The following KCNQ1 variants were observed in gnomAD, a reference collection of about 807,000 sequenced individuals.
The protein encoded by KCNQ1 is potassium voltage-gated channel subfamily KQT member 1.
Under a neutral mutation model 72.4 loss-of-function variants are expected in KCNQ1, and 49 were observed. That is an observed-to-expected ratio of 0.68 (90% CI 0.54 to 0.86). The LOEUF (loss-of-function observed/expected upper bound fraction) is 0.86. Among genes scored for constraint, KCNQ1 ranks in the 40% least tolerant of loss-of-function variants. The probability of loss-of-function intolerance (pLI) is 0.00; values close to 1 mark genes in which losing one functional copy is unlikely to be tolerated. For synonymous variants in KCNQ1, 450 were observed against 412.6 expected, an observed-to-expected ratio of 1.09 and a Z score of -1.10; for missense variants, 790 against 945.1, an observed-to-expected ratio of 0.84 and a Z score of 2.15.
chr11:2,847,757 G>A lies in KCNQ1; in HGVS notation c.1795-10G>A, dbSNP rs780067234. 5.5e-5 allele frequency: 86 copies of A among 1,571,912 alleles called. No homozygotes were observed. The highest frequency in any genetic ancestry group is 7.3e-5 in the Non-Finnish European group (85 of 1,158,174). Reference sequence around the variant, plus strand: ...ACCACTGACTCTCTCGTCTGCCTTTGTCCCCGCAGGTGACGCAGCTGGACC... The same window carrying A: ...ACCACTGACTCTCTCGTCTGCCTTTATCCCCGCAGGTGACGCAGCTGGACC... On this transcript the variant is annotated splice_polypyrimidine_tract_variant and intron_variant, in intron 15 of 15. Coordinates refer to ENST00000155840, the MANE Select transcript of KCNQ1 (RefSeq NM_000218.3).
In KCNQ1 at chr11:2,494,488, A is replaced by T. The variant is rs1589911459; in HGVS notation, c.387-33440A>T. ...GTATGATATTGCCTGTGGGTTTGTC[A>T]TAAATAGCTCTTGTTATTTTGAGAT... On this transcript the variant is annotated intron_variant, in intron 1 of 15. Coordinates refer to ENST00000155840, the MANE Select transcript of KCNQ1 (RefSeq NM_000218.3). This position sits in a 1 kb window ranked among gnomAD's most constrained non-coding sequence, Gnocchi z 4.6. 6.6e-6 allele frequency among the ~76,000 whole-genome samples: 1 copy of T among 152,320 alleles called. No homozygotes were observed. The highest frequency in any genetic ancestry group is 1.9e-4 in the East Asian group (1 of 5,188).
chr11:2,639,089 A>T (rs1430253598), intron 10 of KCNQ1: 2 of 151,932 alleles, frequency 1.3e-5, no homozygotes, highest in Non-Finnish European at 2.9e-5. Flanking sequence ...ACTTCTCTAC[A>T]CTGGTTATTC....
rs74048616 is a variant in KCNQ1 at position 2,451,202 on chromosome 11, C to T, written c.386+5718C>T. ...TTTATGGAAGAAAGATTTTTCCACCCGGGCAGTGGTGATCTTGGGATGAAA... is the reference window on the plus strand; with the variant it reads ...TTTATGGAAGAAAGATTTTTCCACCTGGGCAGTGGTGATCTTGGGATGAAA... On this transcript the variant is annotated intron_variant, in intron 1 of 15. Coordinates refer to ENST00000155840, the MANE Select transcript of KCNQ1 (RefSeq NM_000218.3). The surrounding 1 kb of genome is among the most constrained non-coding windows in gnomAD (Gnocchi z 6.4). 7.3e-3 allele frequency among the ~76,000 whole-genome samples: 1,114 copies of T among 152,186 alleles called. 15 individuals carry two copies. Among genetic ancestry groups the T allele is most frequent in the African/African-American group, 0.025 (1,053 of 41,504 alleles).
At chr11:2,455,293 T>G (rs555681461) in intron 1 of KCNQ1, among the ~76,000 whole-genome samples, 1 of 151,790 alleles carries the variant, frequency 6.6e-6, no homozygotes, top group African/African-American at 2.4e-5. Context: ...AGAGACGGGG[T>G]TTCACCGTGT....
intron 10 of KCNQ1, chr11:2,625,747 T>G: frequency 2.5e-6 from 1 of 397,824 alleles, no homozygotes; most frequent in Non-Finnish European, 4.4e-6. Context: ...TTTTTTGTAT[T>G]TTTAGTAGAG....
rs933346528 is a variant in KCNQ1, at chr11:2,769,367, C to G, written c.1590+448C>G. Among the ~76,000 whole-genome samples the G allele has an allele frequency of 1.3e-5, 2 of 152,196 alleles. No individual in the cohort carries two copies. Among genetic ancestry groups the G allele is most frequent in the African/African-American group, 4.8e-5 (2 of 41,466 alleles). On this transcript the variant is annotated intron_variant, in intron 12 of 15. Transcript: ENST00000155840. This position sits in a 1 kb window ranked among gnomAD's most constrained non-coding sequence, Gnocchi z 4.6. ...CCTCCACTGGCTCAGTGCTCTCATT[C>G]CCTGCTCCTCCACCCTCTGTGAGTT...
chr11:2,700,260 GC>G (rs1850781197), intron 11 of KCNQ1, among the ~76,000 whole-genome samples: 2 of 152,068 alleles, frequency 1.3e-5, no homozygotes, highest in African/African-American at 4.8e-5. Flanking sequence ...CGCCCTCCCT[GC>G]CCCCACCCGT....
intron 15 of KCNQ1, among the ~76,000 whole-genome samples, chr11:2,792,129 AC>A (rs1847039194): frequency 6.6e-6 from 1 of 151,370 alleles, no homozygotes; most frequent in Non-Finnish European, 1.5e-5. Context: ...TCCCTCCGCC[AC>A]CCCTGCAGGC....
At chr11:2,689,801 G>A (rs965537141) in intron 11 of KCNQ1, 21 of 398,608 alleles carry the variant, frequency 5.3e-5, no homozygotes, top group Admixed American at 8.8e-5. Context: ...GAAGCACTGC[G>A]TTCTCAGTGT....
At position 2,447,838 on chromosome 11, in the gene KCNQ1, C is replaced by T. The variant is rs1046989272; in HGVS notation, c.386+2354C>T. Among the ~76,000 whole-genome samples the T allele has an allele frequency of 1.3e-5, 2 of 152,202 alleles. No homozygotes were observed. The highest frequency in any genetic ancestry group is 2.9e-5 in the Non-Finnish European group (2 of 68,014). On this transcript the variant is annotated intron_variant, in intron 1 of 15. Coordinates refer to ENST00000155840, the MANE Select transcript of KCNQ1 (RefSeq NM_000218.3). This position sits in a 1 kb window ranked among gnomAD's most constrained non-coding sequence, Gnocchi z 7.6. ...GAGGCAGGAGCCGGTGTTCCGCTGA[C>T]CCTACAGGGCTAGGGCGAACTCTCC...
chr11:2,719,810 G>A (rs1261736173), intron 11 of KCNQ1, among the ~76,000 whole-genome samples: 2 of 152,216 alleles, frequency 1.3e-5, no homozygotes, highest in Non-Finnish European at 2.9e-5. Context: ...CACCGTGCTG[G>A]TTTCAGAGAA....
intron 11 of KCNQ1, among the ~76,000 whole-genome samples, chr11:2,717,817 C>T (rs533083232): frequency 8.5e-5 from 13 of 152,308 alleles, no homozygotes; most frequent in South Asian, 8.3e-4. Context: ...AGGGAGCACA[C>T]GCCTGTCCAA....
Position 2,462,948 on chromosome 11 carries a change from G to A in KCNQ1, c.386+17464G>A, listed in dbSNP as rs1391806032. On this transcript the variant is annotated intron_variant, in intron 1 of 15. Transcript: ENST00000155840. The surrounding 1 kb of genome is among the most constrained non-coding windows in gnomAD (Gnocchi z 8.2). ...TGAGCAGACAGGGAGGGTCTTGGGGGAAGGCTGTGGGCCCTTGGGTGGAAG... is the reference window on the plus strand; with the variant it reads ...TGAGCAGACAGGGAGGGTCTTGGGGAAAGGCTGTGGGCCCTTGGGTGGAAG... Among the ~76,000 whole-genome samples, 2 of 152,212 alleles carry A rather than the reference G, an allele frequency of 1.3e-5. No individual in the cohort carries two copies. The highest frequency in any genetic ancestry group is 4.8e-5 in the African/African-American group (2 of 41,440).
At chr11:2,761,174 C>T (rs1338769043) in intron 11 of KCNQ1, among the ~76,000 whole-genome samples, 1 of 151,946 alleles carries the variant, frequency 6.6e-6, no homozygotes, top group Non-Finnish European at 1.5e-5. Flanking sequence ...GGGTGGTTTT[C>T]CCCTGGCATC....
At position 2,645,858 on chromosome 11, in the gene KCNQ1, T is replaced by A. The variant is rs1849657942; in HGVS notation, c.1394-16103T>A. On this transcript the variant is annotated intron_variant, in intron 10 of 15. Coordinates refer to ENST00000155840, the MANE Select transcript of KCNQ1 (RefSeq NM_000218.3). The surrounding 1 kb of genome is among the most constrained non-coding windows in gnomAD (Gnocchi z 5.8). ...CTGAGGATTCAGGGGATGTGTGAATTGCCTGAGGATTCAGGGTGATCTCCC... is the reference window on the plus strand; with the variant it reads ...CTGAGGATTCAGGGGATGTGTGAATAGCCTGAGGATTCAGGGTGATCTCCC... 2.5e-6 allele frequency: 1 copy of A among 398,306 alleles called. No individual in the cohort carries two copies. The highest frequency in any genetic ancestry group is 2.1e-5 in the African/African-American group (1 of 48,616). The allele number at this position is 398,306 out of a possible 1,614,324, so 24.7% of individuals were successfully genotyped here.
chr11:2,619,419 A>T, intron 10 of KCNQ1: 2 of 398,586 alleles, frequency 5.0e-6, no homozygotes, highest in Non-Finnish European at 4.4e-6. Context: ...TTGTGTGTCA[A>T]TTGAGATGAT....
chr11:2,578,570 C>T (rs1044132119), intron 6 of KCNQ1, among the ~76,000 whole-genome samples: 4 of 152,230 alleles, frequency 2.6e-5, no homozygotes, highest in Admixed American at 6.5e-5. Flanking sequence ...CCTGGGAGGG[C>T]GCCCTTGGCC....
At chr11:2,726,484 C>A (rs558116908) in intron 11 of KCNQ1, among the ~76,000 whole-genome samples, 4 of 152,206 alleles carry the variant, frequency 2.6e-5, no homozygotes, top group African/African-American at 9.6e-5. Context: ...AGGCCCCAGG[C>A]GGAGACACCA....
intron 15 of KCNQ1, among the ~76,000 whole-genome samples, chr11:2,839,091 C>A (rs980534828): frequency 8.5e-5 from 13 of 152,180 alleles, no homozygotes; most frequent in Non-Finnish European, 1.8e-4. Context: ...CGTCTGCCGG[C>A]AGGAAGCTCC....
Sources: gnomAD v4.1 joint callset for allele counts (sites outside exome capture counted in the v4.1 genomes callset) on GRCh38, gnomAD v4.1.1 for gene constraint, Gnocchi (gnomAD v3.1) non-coding constraint, MANE v1.5 for transcripts, NCBI Gene and HGNC (gene_info 2026-07-23, HGNC 2026-07-21) for gene names.